ZNF652: variants seen among roughly 807,000 people sequenced by gnomAD.
The protein encoded by ZNF652 is zinc finger protein 652.
ZNF652 carries 16 observed loss-of-function variants against 45.2 expected under a neutral mutation model. The ratio of observed to expected loss-of-function variants is 0.35; its 90% CI spans 0.24 to 0.54. The LOEUF is 0.54. Ranked by LOEUF, ZNF652 falls within the 20% of genes least tolerant of loss-of-function variation. ZNF652 has a pLI of 0.91. For synonymous variants in ZNF652, 250 were observed against 260.6 expected (o/e 0.96, Z 0.39); for missense variants, 614 against 765.6 (o/e 0.80, Z 2.34).
intron 1 of ZNF652, among the ~76,000 whole-genome samples, chr17:49,359,341 C>T (rs1457747415): frequency 1.3e-5 from 2 of 152,144 alleles, no homozygotes; most frequent in African/African-American, 2.4e-5. Context: ...TGCTTTCAAA[C>T]TTATAGGGTA....
chr17:49,311,885 A>C, intron 4 of ZNF652, 42 bp downstream of exon 4: 1 of 1,532,770 alleles, frequency 6.5e-7, no homozygotes, highest in Non-Finnish European at 9.0e-7. Flanking sequence ...CTATGCAAAC[A>C]CTAGCCCCTA....
At chr17:49,306,681 C>T (rs965698102) in intron 5 of ZNF652, among the ~76,000 whole-genome samples, 8 of 152,170 alleles carry the variant, frequency 5.3e-5, no homozygotes, top group African/African-American at 1.9e-4. Flanking sequence ...TATCTCTTTG[C>T]TATAATAATC....
intron 1 of ZNF652, among the ~76,000 whole-genome samples, chr17:49,352,892 C>A (rs1598318569): frequency 6.6e-6 from 1 of 152,168 alleles, no homozygotes; most frequent in Admixed American, 6.5e-5. Flanking sequence ...AGGTTACATA[C>A]TATATGAGTC....
chr17:49,298,600 T>C lies in ZNF652; in HGVS notation c.1634A>G (p.His545Arg). The C allele has an allele frequency of 6.5e-7, 1 of 1,534,224 alleles. No homozygotes were observed. The highest frequency in any genetic ancestry group is 2.4e-5 in the East Asian group (1 of 42,214). ...VSTLPPRPIP[H>R]PFSHLHIHPH... is the part of the protein sequence containing the mutation. The stretch of plus-strand genomic sequence containing the variant: ...GTGGATGTGCAGGTGTGAGAAGGGG[T>C]GGGGGATGGGCCGAGGGGGAAGAGT... The change falls in exon 6 of 6, where the codon CAC (histidine) becomes CGC (arginine). Residue 545 changes from histidine to arginine, a missense_variant. Around this residue, in one of 5 missense-constraint regions of ZNF652, gnomAD observed 132 missense variants for 137.2 expected, o/e 0.96. Coordinates refer to ENST00000430262, the MANE Select transcript of ZNF652 (RefSeq NM_001145365.3).
chr17:49,352,788 T>A (rs372097927), intron 1 of ZNF652, among the ~76,000 whole-genome samples: 4 of 152,300 alleles, frequency 2.6e-5, no homozygotes, highest in East Asian at 1.9e-4. Flanking sequence ...AAAGGAGTAT[T>A]ACCTGGCAAT....
At chr17:49,306,762 T>A (rs149714429) in intron 5 of ZNF652, among the ~76,000 whole-genome samples, 3 of 152,176 alleles carry the variant, frequency 2.0e-5, no homozygotes, top group Non-Finnish European at 4.4e-5. Flanking sequence ...ATATTGTAGC[T>A]ATTTTTTTGA....
At chr17:49,322,559 T>A (rs939485064) in intron 1 of ZNF652, 1 of 152,226 alleles carries the variant, frequency 6.6e-6, no homozygotes, top group Non-Finnish European at 1.5e-5. Context: ...ATTTTTTGGT[T>A]TCATTGTGCA....
chr17:49,300,526 G>A (rs999498326), intron 5 of ZNF652, among the ~76,000 whole-genome samples: 2 of 152,152 alleles, frequency 1.3e-5, no homozygotes, highest in African/African-American at 4.8e-5. Context: ...CCAGGCTATA[G>A]AAAATAAAAT....
At chr17:49,353,730 G>A (rs1206822593) in intron 1 of ZNF652, among the ~76,000 whole-genome samples, 1 of 152,128 alleles carries the variant, frequency 6.6e-6, no homozygotes, top group African/African-American at 2.4e-5. Context: ...TGTGGGTGTA[G>A]GTATGAATGT....
At chr17:49,325,318 G>A (rs1598301276) in intron 1 of ZNF652, among the ~76,000 whole-genome samples, 1 of 152,080 alleles carries the variant, frequency 6.6e-6, no homozygotes. Flanking sequence ...GAGAGAGATG[G>A]TGTAACAGCT....
chr17:49,314,103 C>T (rs760017007), intron 2 of ZNF652, among the ~76,000 whole-genome samples: 4 of 150,324 alleles, frequency 2.7e-5, no homozygotes, highest in African/African-American at 4.9e-5. Context: ...CTTTCAAACA[C>T]GTCCCTCGGG....
Position 49,311,498 on chromosome 17 carries a change from T to C in ZNF652, c.1165-42A>G, listed in dbSNP as rs199826399. ...GGAGATTTTTGAATGCCAAGCATAG[T>C]AGCTTTACCTGAGCCCACCCTAACA... On this transcript the variant is annotated intron_variant, in intron 4 of 5. Coordinates refer to ENST00000430262, the MANE Select transcript of ZNF652 (RefSeq NM_001145365.3). 75 of 1,594,370 alleles carry C rather than the reference T, an allele frequency of 4.7e-5. No homozygotes were observed. In the East Asian group the frequency reaches 1.6e-3, roughly 34 times the overall value.
rs2069497737 is a variant in ZNF652, at chr17:49,297,934, A to C, written c.*479T>G. 6.2e-6 allele frequency: 1 copy of C among 160,554 alleles called. No individual in the cohort carries two copies. Among genetic ancestry groups the C allele is most frequent in the African/African-American group, 2.4e-5 (1 of 41,458 alleles). 9.9% of individuals were successfully genotyped at this position (160,554 alleles called of 1,614,324 possible). On this transcript the variant is annotated 3_prime_UTR_variant, in exon 6 of 6. Coordinates refer to ENST00000430262, the MANE Select transcript of ZNF652 (RefSeq NM_001145365.3). ...TCTATAATGCTTGATATACTGTGAA[A>C]CATGGCCAGCTCAACTCTGTAGCTG...
At chr17:49,359,863 G>GA (rs556688917) in intron 1 of ZNF652, among the ~76,000 whole-genome samples, 372 of 150,810 alleles carry the variant, frequency 2.5e-3, no homozygotes, top group African/African-American at 8.1e-3. Context: ...TAACAAAGTT[G>GA]AAAAAAAAAT....
At chr17:49,319,635 CAAAAAAAAA>C (rs35770760) in intron 1 of ZNF652, among the ~76,000 whole-genome samples, 5 of 46,234 alleles carry the variant, frequency 1.1e-4, no homozygotes, top group Non-Finnish European at 7.6e-5. Flanking sequence ...GACTCTGTCT[CAAAAAAAAA>C]AAAAAAAAAA....
Position 49,293,403 on chromosome 17 carries a change from C to G in ZNF652, c.*5010G>C, listed in dbSNP as rs1382871920. ...ATCCTCTGAGACAAAAAGATCTGAT[C>G]ATAAAGTCTATAAAAAAGTCTAGAA... On this transcript the variant is annotated 3_prime_UTR_variant, in exon 6 of 6. Coordinates refer to ENST00000430262, the MANE Select transcript of ZNF652 (RefSeq NM_001145365.3). Among the ~76,000 whole-genome samples the G allele has an allele frequency of 6.6e-6, 1 of 151,948 alleles. No individual in the cohort carries two copies. Among genetic ancestry groups the G allele is most frequent in the African/African-American group, 2.4e-5 (1 of 41,378 alleles).
chr17:49,358,274 G>A (rs1598322018), intron 1 of ZNF652, among the ~76,000 whole-genome samples: 1 of 152,174 alleles, frequency 6.6e-6, no homozygotes, highest in African/African-American at 2.4e-5. Flanking sequence ...TTCAGCTAAA[G>A]TCACTAAACG....
intron 2 of ZNF652, among the ~76,000 whole-genome samples, 190 bp downstream of exon 2, chr17:49,316,636 G>T (rs545721250): frequency 4.6e-5 from 7 of 152,124 alleles, no homozygotes; most frequent in African/African-American, 1.7e-4. Context: ...CTAGTCCAGC[G>T]TCAAATTTAA....
At chr17:49,356,548 TG>T (rs2070339680) in intron 1 of ZNF652, among the ~76,000 whole-genome samples, 1 of 151,994 alleles carries the variant, frequency 6.6e-6, no homozygotes, top group African/African-American at 2.4e-5. Flanking sequence ...AAATTTTGTT[TG>T]TTTAGTCATT....
Sources: allele counts gnomAD v4.1 joint callset (sites outside exome capture counted in the v4.1 genomes callset), GRCh38; gene constraint gnomAD v4.1.1; regional missense constraint gnomAD v4.1.1; transcripts MANE v1.5; gene names NCBI Gene and HGNC (gene_info 2026-07-23, HGNC 2026-07-21).